SYT1: variants seen among roughly 807,000 people sequenced by gnomAD.
SYT1 encodes synaptotagmin 1.
SYT1 carries 8 observed loss-of-function variants against 44.8 expected under a neutral mutation model. That is an observed-to-expected ratio of 0.18 (90% CI 0.10 to 0.32). The LOEUF (loss-of-function observed/expected upper bound fraction) is 0.32, where lower values mean the gene tolerates loss of function less well. SYT1 is among the 10% of genes least tolerant of loss of function. The probability of loss-of-function intolerance (pLI) is 1.00; values close to 1 mark genes in which losing one functional copy is unlikely to be tolerated. For synonymous variants in SYT1, 154 were observed against 188.8 expected (o/e 0.82, Z 1.51); for missense variants, 286 against 509.3 (o/e 0.56, Z 4.22).
At chr12:78,978,596 G>A (rs1391204818) in intron 2 of SYT1, among the ~76,000 whole-genome samples, 1 of 152,042 alleles carries the variant, frequency 6.6e-6, no homozygotes, top group Non-Finnish European at 1.5e-5. Context: ...TACTCCTTTG[G>A]TCTAAGTCAT....
At chr12:79,372,452 G>C (rs1460228665) in intron 9 of SYT1, among the ~76,000 whole-genome samples, 1 of 152,180 alleles carries the variant, frequency 6.6e-6, no homozygotes, top group Non-Finnish European at 1.5e-5. Context: ...CTATGTTGTT[G>C]TGTGATTCCT....
chr12:79,297,174 C>T (rs986699920), intron 7 of SYT1, among the ~76,000 whole-genome samples: 2 of 152,122 alleles, frequency 1.3e-5, no homozygotes, highest in African/African-American at 2.4e-5. Context: ...TTTCTATTCA[C>T]TCTAAAATTT....
At chr12:78,987,043 T>C (rs1234006017) in intron 2 of SYT1, among the ~76,000 whole-genome samples, 2 of 152,088 alleles carry the variant, frequency 1.3e-5, no homozygotes, top group Non-Finnish European at 2.9e-5. Context: ...TCTGAATGAA[T>C]ATTGTCGTTC....
chr12:79,438,127 A>C (rs1870195077), intron 9 of SYT1, among the ~76,000 whole-genome samples: 1 of 152,178 alleles, frequency 6.6e-6, no homozygotes, highest in South Asian at 2.1e-4. Context: ...AGGCAGTTGA[A>C]GTCATCAAAC....
At chr12:79,072,531 GT>G (rs1035313966) in intron 3 of SYT1, among the ~76,000 whole-genome samples, 22 of 151,972 alleles carry the variant, frequency 1.4e-4, no homozygotes, top group African/African-American at 5.1e-4. Flanking sequence ...TAATATTTGA[GT>G]TTTTTATAGT....
At chr12:79,038,188 CAT>C (rs1192443430) in intron 2 of SYT1, among the ~76,000 whole-genome samples, 3 of 150,238 alleles carry the variant, frequency 2.0e-5, no homozygotes, top group Non-Finnish European at 4.4e-5. Context: ...TACACACACA[CAT>C]ATATATACAC....
At chr12:78,978,986 A>C (rs916905024) in intron 2 of SYT1, among the ~76,000 whole-genome samples, 4 of 152,198 alleles carry the variant, frequency 2.6e-5, no homozygotes, top group African/African-American at 9.6e-5. Flanking sequence ...GGAATAAATT[A>C]TTTCAGTACT....
At chr12:79,324,739 A>G (rs866738186) in intron 8 of SYT1, among the ~76,000 whole-genome samples, 1 of 152,166 alleles carries the variant, frequency 6.6e-6, no homozygotes, top group Non-Finnish European at 1.5e-5. Context: ...GGAAACAGCT[A>G]AGAAGAGCCA....
At chr12:78,930,941 T>C (rs1877599670) in intron 1 of SYT1, among the ~76,000 whole-genome samples, 1 of 151,446 alleles carries the variant, frequency 6.6e-6, no homozygotes, top group African/African-American at 2.4e-5. Flanking sequence ...ACTGAATAAA[T>C]GGTAAATATT....
chr12:78,920,929 A>G (rs7963348), intron 1 of SYT1, among the ~76,000 whole-genome samples: 49,635 of 151,546 alleles, frequency 0.33, 8,287 homozygotes, highest in Middle Eastern at 0.35. Context: ...TCCAGTCCTC[A>G]GCAGTCAGAC....
chr12:79,355,839 T>C (rs1482660915), intron 9 of SYT1, among the ~76,000 whole-genome samples: 1 of 152,116 alleles, frequency 6.6e-6, no homozygotes, highest in Non-Finnish European at 1.5e-5. Flanking sequence ...TAAGTCAACA[T>C]TGTTCTGAGC....
At chr12:79,143,135 G>A (rs919029263) in intron 3 of SYT1, among the ~76,000 whole-genome samples, 7 of 152,136 alleles carry the variant, frequency 4.6e-5, no homozygotes, top group Admixed American at 1.3e-4. Flanking sequence ...CTCCAAAAAT[G>A]GATTCTTAAG....
chr12:79,229,357 A>C (rs188912376), intron 4 of SYT1, among the ~76,000 whole-genome samples: 2 of 152,352 alleles, frequency 1.3e-5, no homozygotes, highest in Admixed American at 1.3e-4. Context: ...GTAGTTTTCA[A>C]ACCTTTTTAG....
chr12:78,913,747 G>T (rs1768873743), intron 1 of SYT1, among the ~76,000 whole-genome samples: 1 of 151,778 alleles, frequency 6.6e-6, no homozygotes, highest in Non-Finnish European at 1.5e-5. Flanking sequence ...TACATGAAAT[G>T]ATTAAACTAA....
chr12:79,064,926 G>GACAAGAAAGAA (rs549891799), intron 3 of SYT1, among the ~76,000 whole-genome samples: 1 of 111,454 alleles, frequency 9.0e-6, no homozygotes, highest in Non-Finnish European at 1.8e-5. Flanking sequence ...AAAAAATAGA[G>GACAAGAAAGAA]AGAAAGAAAG....
At chr12:79,317,684 T>C (rs1881160741) in intron 8 of SYT1, among the ~76,000 whole-genome samples, 1 of 152,124 alleles carries the variant, frequency 6.6e-6, no homozygotes, top group Non-Finnish European at 1.5e-5. Context: ...CAGGAAGTGC[T>C]CAACTCACGT....
At chr12:79,279,310 G>A (rs1469801296) in intron 4 of SYT1, among the ~76,000 whole-genome samples, 3 of 151,954 alleles carry the variant, frequency 2.0e-5, no homozygotes, top group South Asian at 2.1e-4. Context: ...CAATCAAGTG[G>A]GTTTCATTCC....
At chr12:79,368,906 G>C (rs1883670350) in intron 9 of SYT1, among the ~76,000 whole-genome samples, 1 of 152,078 alleles carries the variant, frequency 6.6e-6, no homozygotes, top group South Asian at 2.1e-4. Flanking sequence ...AGTTTAATTA[G>C]ATCCCATTTG....
At chr12:79,080,794 C>T (rs1458563577) in intron 3 of SYT1, among the ~76,000 whole-genome samples, 1 of 152,124 alleles carries the variant, frequency 6.6e-6, no homozygotes, top group Middle Eastern at 3.2e-3. Context: ...GCCTAGCAGC[C>T]ACAAGGATGC....
Sources: allele counts gnomAD v4.1 joint callset (sites outside exome capture counted in the v4.1 genomes callset), GRCh38; gene constraint gnomAD v4.1.1; transcripts MANE v1.5; gene names NCBI Gene and HGNC (gene_info 2026-07-23, HGNC 2026-07-21).